The following INPP4B variants were observed in gnomAD, a reference collection of about 807,000 sequenced individuals.
INPP4B encodes the protein inositol polyphosphate-4-phosphatase type II B, also known as inositol polyphosphate 4-phosphatase type II.
INPP4B carries 55 observed loss-of-function variants against 122.5 expected under a neutral mutation model. The ratio of observed to expected loss-of-function variants is 0.45; its 90% CI spans 0.36 to 0.56. The LOEUF (loss-of-function observed/expected upper bound fraction) is 0.56, where lower values mean the gene tolerates loss of function less well. Among genes scored for constraint, INPP4B ranks in the 20% least tolerant of loss-of-function variants. The pLI is 0.00. For missense variants in INPP4B, 1,000 were observed against 1,097.7 expected, an observed-to-expected ratio of 0.91 and a Z score of 1.26; for synonymous variants, 403 against 388.7, an observed-to-expected ratio of 1.04 and a Z score of -0.43.
intron 25 of INPP4B, chr4:142,029,698 C>A: frequency 1.0e-6 from 1 of 985,864 alleles, no homozygotes; most frequent in Non-Finnish European, 1.2e-6. Context: ...CAGCAGATGG[C>A]ATCTATGATA....
chr4:142,294,856 A>AAAAAAAAAAAAAAAAAAAAAAG (rs1561775056), intron 9 of INPP4B, among the ~76,000 whole-genome samples: 4 of 143,912 alleles, frequency 2.8e-5, no homozygotes, highest in Non-Finnish European at 4.5e-5. Context: ...AAAAAAAAAA[A>AAAAAAAAAAAAAAAAAAAAAAG]GGCAGACTTA....
intron 11 of INPP4B, among the ~76,000 whole-genome samples, chr4:142,255,505 G>A (rs181346207): frequency 0.038 from 5,830 of 152,154 alleles, 365 homozygotes; most frequent in African/African-American, 0.13. Context: ...AAAGGATGGA[G>A]GAAGATCTAC....
intron 7 of INPP4B, among the ~76,000 whole-genome samples, chr4:142,333,581 T>C (rs1775501267): frequency 6.6e-6 from 1 of 152,206 alleles, no homozygotes; most frequent in Non-Finnish European, 1.5e-5. Flanking sequence ...GAAAGACTTG[T>C]AGATAAATAT....
intron 2 of INPP4B, among the ~76,000 whole-genome samples, chr4:142,486,242 A>C (rs1305855152): frequency 6.6e-6 from 1 of 152,166 alleles, no homozygotes; most frequent in African/African-American, 2.4e-5. Context: ...ACCATTTTCT[A>C]CTCCCACTAG....
intron 16 of INPP4B, among the ~76,000 whole-genome samples, chr4:142,162,353 TCAAA>T (rs1394832807): frequency 1.3e-5 from 2 of 151,610 alleles, no homozygotes; most frequent in African/African-American, 4.8e-5. Flanking sequence ...TAGACAGTAC[TCAAA>T]CAAGTCAGTG....
rs980279623 is a variant in INPP4B at position 142,369,022 on chromosome 4, G to A, written c.372+33916C>T. 2.0e-5 allele frequency among the ~76,000 whole-genome samples: 3 copies of A among 152,152 alleles called. No individual in the cohort carries two copies. The South Asian group carries it at 6.2e-4, about 32-fold the overall frequency. The stretch of plus-strand genomic sequence containing the variant: ...GGAGGAGGAGGAGAAGGAGGAAGAA[G>A]AGGAACTGGGAGGAAGGGTTCAAAA... On this transcript the variant is annotated intron_variant, in intron 7 of 25. Transcript: ENST00000262992.
chr4:142,650,953 T>C (rs1239392296), intron 2 of INPP4B, among the ~76,000 whole-genome samples: 8 of 152,136 alleles, frequency 5.3e-5, no homozygotes, highest in African/African-American at 1.4e-4. Flanking sequence ...TCTTCTAAAA[T>C]TGACCACATA....
At chr4:142,797,287 C>G (rs1310728902) in intron 1 of INPP4B, among the ~76,000 whole-genome samples, 1 of 151,954 alleles carries the variant, frequency 6.6e-6, no homozygotes, top group Non-Finnish European at 1.5e-5. Context: ...TCTAAAATCT[C>G]TATTCTTAGA....
At chr4:142,408,590 A>G (rs1258316950) in intron 5 of INPP4B, among the ~76,000 whole-genome samples, 2 of 152,182 alleles carry the variant, frequency 1.3e-5, no homozygotes, top group South Asian at 2.1e-4. Flanking sequence ...TTCCAGCTAT[A>G]CTTACCACTG....
chr4:142,308,986 A>G (rs1332115643), intron 8 of INPP4B, among the ~76,000 whole-genome samples: 1 of 152,160 alleles, frequency 6.6e-6, no homozygotes, highest in Non-Finnish European at 1.5e-5. Context: ...CTTCTCTCTT[A>G]TGAAGTCTGC....
At chr4:142,524,083 G>A (rs1161308578) in intron 2 of INPP4B, among the ~76,000 whole-genome samples, 4 of 151,558 alleles carry the variant, frequency 2.6e-5, no homozygotes, top group Non-Finnish European at 5.9e-5. Context: ...ATGGTTCCAA[G>A]TCTTTGCTAT....
intron 7 of INPP4B, among the ~76,000 whole-genome samples, chr4:142,358,534 T>C (rs1027670730): frequency 1.3e-5 from 2 of 151,610 alleles, no homozygotes; most frequent in Admixed American, 6.6e-5. Context: ...GATTATAAAA[T>C]TTAGCTGCAT....
intron 14 of INPP4B, among the ~76,000 whole-genome samples, chr4:142,195,030 A>C (rs1837545826): frequency 6.6e-6 from 1 of 152,250 alleles, no homozygotes; most frequent in African/African-American, 2.4e-5. Flanking sequence ...ATGACAATGC[A>C]ACAAAATATG....
chr4:142,030,173 C>T, intron 25 of INPP4B: 1 of 1,535,406 alleles, frequency 6.5e-7, no homozygotes, highest in Non-Finnish European at 8.7e-7. Context: ...AAATAAGCCA[C>T]ACAACTAGCA....
rs556585149 is a variant in INPP4B at position 142,027,307 on chromosome 4, C to A, written c.*1475G>T. 7.9e-5 allele frequency: 12 copies of A among 152,222 alleles called. No individual in the cohort carries two copies. Among genetic ancestry groups the A allele is most frequent in the African/African-American group, 2.9e-4 (12 of 41,546 alleles). The allele number at this position is 152,222 out of a possible 1,614,324, so 9.4% of individuals were successfully genotyped here. ...CTAGAATCCTTATTTCAACAGGAAT[C>A]CTAGGCAAGGAGCTATCACATTAGC... On this transcript the variant is annotated 3_prime_UTR_variant, in exon 26 of 26. Coordinates refer to ENST00000262992, the MANE Select transcript of INPP4B (RefSeq NM_001101669.3).
At chr4:142,668,830 C>T (rs536532767) in intron 2 of INPP4B, among the ~76,000 whole-genome samples, 13 of 151,616 alleles carry the variant, frequency 8.6e-5, no homozygotes, top group South Asian at 4.2e-4. Context: ...GGGCAGATCA[C>T]GAGGTCAGGA....
At chr4:142,054,396 C>T (rs1343042295) in intron 25 of INPP4B, among the ~76,000 whole-genome samples, 1 of 151,962 alleles carries the variant, frequency 6.6e-6, no homozygotes, top group Non-Finnish European at 1.5e-5. Context: ...TCAAGTTCCA[C>T]CTGGGAATTA....
At chr4:142,563,552 C>A (rs1043350212) in intron 2 of INPP4B, among the ~76,000 whole-genome samples, 8 of 152,136 alleles carry the variant, frequency 5.3e-5, no homozygotes, top group African/African-American at 1.9e-4. Context: ...AAATTACAAT[C>A]ATCAATTCAT....
At chr4:142,816,092 G>T (rs1223657782) in intron 1 of INPP4B, among the ~76,000 whole-genome samples, 1 of 152,156 alleles carries the variant, frequency 6.6e-6, no homozygotes, top group Non-Finnish European at 1.5e-5. Context: ...CTCCAGGACA[G>T]AAAGAAATGC....
Sources: gnomAD v4.1 joint callset for allele counts (sites outside exome capture counted in the v4.1 genomes callset) on GRCh38, gnomAD v4.1.1 for gene constraint, MANE v1.5 for transcripts, NCBI Gene and HGNC (gene_info 2026-07-23, HGNC 2026-07-21) for gene names.